The following C6orf163 variants were observed in gnomAD, a reference collection of about 807,000 sequenced individuals.
C6orf163 encodes the protein uncharacterized protein C6orf163.
C6orf163 carries 22 observed loss-of-function variants against 28.4 expected under a neutral mutation model. The observed-to-expected ratio is 0.78, with a 90% CI of 0.55 to 1.11. The LOEUF is 1.11. C6orf163 is among the 50% of genes least tolerant of loss of function. The pLI is 0.00. For missense variants in C6orf163, 342 were observed against 389.1 expected (o/e 0.88, Z 1.02); for synonymous variants, 110 against 123.6 (o/e 0.89, Z 0.73).
intron 4 of C6orf163, among the ~76,000 whole-genome samples, chr6:87,361,592 C>G (rs1341235099): frequency 6.6e-6 from 1 of 152,124 alleles, no homozygotes; most frequent in Non-Finnish European, 1.5e-5. Flanking sequence ...GAGATTGGTC[C>G]CTGGTCATCA....
rs1777630295 is a variant in C6orf163 at position 87,365,335 on chromosome 6, CAGAA to C, written c.939_942del (p.Lys314HisfsTer?). 2 of 1,550,398 alleles carry C rather than the reference CAGAA, an allele frequency of 1.3e-6. No individual in the cohort carries two copies. Among genetic ancestry groups the C allele is most frequent in the Admixed American group, 2.0e-5 (1 of 50,790 alleles). On this transcript the variant is annotated frameshift_variant, in exon 5 of 5. Coordinates refer to ENST00000388923, the MANE Select transcript of C6orf163 (RefSeq NM_001010868.3). LOFTEE classifies it low-confidence loss of function (END_TRUNC). Reference sequence around the variant, plus strand: ...CCAGGACATGCAGATTTTATTCTGCCAGAAAGAAAGAAAACACCTTCTAATCTTG... The same window carrying C: ...CCAGGACATGCAGATTTTATTCTGCCAGAAAGAAAACACCTTCTAATCTTG...
intron 1 of C6orf163, chr6:87,348,307 A>C: frequency 2.0e-6 from 2 of 985,552 alleles, no homozygotes; most frequent in Non-Finnish European, 2.4e-6. Context: ...CATTGACAGA[A>C]AAATAGTAAA....
intron 4 of C6orf163, chr6:87,359,037 G>C (rs1213605935): frequency 6.6e-6 from 1 of 152,250 alleles, no homozygotes; most frequent in Non-Finnish European, 1.5e-5. Flanking sequence ...ACCTTCTGTG[G>C]ATGTGGCACA....
chr6:87,353,889 T>C (rs557879283), intron 3 of C6orf163, among the ~76,000 whole-genome samples: 1 of 152,328 alleles, frequency 6.6e-6, no homozygotes, highest in African/African-American at 2.4e-5. Context: ...AGTCTCTCTG[T>C]AGCCCACGCA....
intron 2 of C6orf163, among the ~76,000 whole-genome samples, 169 bp from the exon 3 acceptor site, chr6:87,350,224 GT>G (rs1414823711): frequency 6.6e-6 from 1 of 152,212 alleles, no homozygotes; most frequent in Admixed American, 6.5e-5. Context: ...AAGGCAGACA[GT>G]TTGCTATGGG....
At position 87,356,397 on chromosome 6, in the gene C6orf163, A is replaced by G; in HGVS notation, c.448A>G (p.Ile150Val). 6.4e-7 allele frequency: 1 copy of G among 1,551,786 alleles called. No individual in the cohort carries two copies. Among genetic ancestry groups the G allele is most frequent in the Non-Finnish European group, 8.7e-7 (1 of 1,147,016 alleles). The change falls in exon 4 of 5, where the codon ATC becomes GTC. Residue 150 changes from isoleucine (I) to valine (V), a missense_variant. Ile to Val is a conservative substitution (Grantham distance 29). Coordinates refer to ENST00000388923, the MANE Select transcript of C6orf163 (RefSeq NM_001010868.3). ...LAAEQRMVHR[I>V]QRIMMECHRE... The stretch of plus-strand genomic sequence containing the variant: ...TGCAGAACAGCGCATGGTCCACAGA[A>G]TCCAAAGGATTATGATGGAATGCCA...
chr6:87,357,042 A>C (rs1562231122), intron 4 of C6orf163: 1 of 155,052 alleles, frequency 6.4e-6, no homozygotes, highest in Non-Finnish European at 1.4e-5. Context: ...CAAAAATTGC[A>C]AGTCCTGATG....
chr6:87,347,838 G>A, intron 1 of C6orf163: 3 of 985,472 alleles, frequency 3.0e-6, no homozygotes, highest in Non-Finnish European at 3.6e-6. Flanking sequence ...ATAGCTCTAA[G>A]AATCTATTAC....
rs1434062548 is a variant in C6orf163, at chr6:87,344,891, G to A, written c.-209G>A. Reference sequence around the variant, plus strand: ...CAAATCTGGTGCCCATACCTTCTATGGCAGGGGCTTTTAGCACCATTCTTT... The same window carrying A: ...CAAATCTGGTGCCCATACCTTCTATAGCAGGGGCTTTTAGCACCATTCTTT... On this transcript the variant is annotated 5_prime_UTR_variant, in exon 1 of 5. An upstream start codon of the reference 5' UTR is lost. Transcript: ENST00000388923. 2.5e-6 allele frequency: 1 copy of A among 396,026 alleles called. No homozygotes were observed. Among genetic ancestry groups the A allele is most frequent in the Non-Finnish European group, 4.5e-6 (1 of 224,122 alleles). The allele number at this position is 396,026 out of a possible 1,614,324, so 24.5% of individuals were successfully genotyped here.
intron 1 of C6orf163, chr6:87,347,178 A>G (rs373646): frequency 0.42 from 66,048 of 156,988 alleles, 14,439 homozygotes; most frequent in Non-Finnish European, 0.48. Flanking sequence ...CTCTATCACT[A>G]TAATTTTATC....
chr6:87,353,044 C>G (rs1777441662), intron 3 of C6orf163, among the ~76,000 whole-genome samples: 1 of 152,114 alleles, frequency 6.6e-6, no homozygotes, highest in Non-Finnish European at 1.5e-5. Context: ...CATTGACAAA[C>G]AGCAGGTTAC....
chr6:87,351,969 C>T (rs1466016085), intron 3 of C6orf163, among the ~76,000 whole-genome samples: 1 of 152,182 alleles, frequency 6.6e-6, no homozygotes, highest in African/African-American at 2.4e-5. Flanking sequence ...ATTCCTGTTT[C>T]AAGGTTCACA....
chr6:87,357,693 T>C (rs1028204549), intron 4 of C6orf163: 1 of 152,232 alleles, frequency 6.6e-6, no homozygotes, highest in Admixed American at 6.6e-5. Context: ...TCTTTTCTTT[T>C]CTCTCCTGCC....
intron 4 of C6orf163, 35 bp from the exon 5 acceptor site, chr6:87,364,926 C>T (rs1050074140): frequency 1.7e-4 from 253 of 1,447,340 alleles, no homozygotes; most frequent in Non-Finnish European, 2.1e-4. Flanking sequence ...AGTGGCCAAT[C>T]CATCTAAATT....
chr6:87,351,609 G>A (rs1177728897), intron 3 of C6orf163, among the ~76,000 whole-genome samples: 1 of 152,248 alleles, frequency 6.6e-6, no homozygotes, highest in East Asian at 1.9e-4. Context: ...AGTTCAAAAT[G>A]TGAAGAGCAT....
At chr6:87,363,778 G>A (rs1347462303) in intron 4 of C6orf163, among the ~76,000 whole-genome samples, 2 of 151,972 alleles carry the variant, frequency 1.3e-5, no homozygotes, top group African/African-American at 4.8e-5. Flanking sequence ...CCAAGTCTTT[G>A]CTATTGTGAA....
At chr6:87,350,651 G>A (rs1447134573) in intron 3 of C6orf163, 150 bp downstream of exon 3, 5 of 600,132 alleles carry the variant, frequency 8.3e-6, no homozygotes, top group Non-Finnish European at 1.2e-5. Context: ...TCTCAGAAGA[G>A]ATGCTGAGCT....
chr6:87,352,798 G>A (rs994218529), intron 3 of C6orf163, among the ~76,000 whole-genome samples: 1 of 152,090 alleles, frequency 6.6e-6, no homozygotes, highest in Non-Finnish European at 1.5e-5. Context: ...TGCCCATAAG[G>A]TACAGGCAAA....
intron 4 of C6orf163, among the ~76,000 whole-genome samples, chr6:87,360,908 C>T (rs1357049690): frequency 1.3e-5 from 2 of 152,122 alleles, no homozygotes; most frequent in Non-Finnish European, 2.9e-5. Flanking sequence ...GTCACACCCT[C>T]GACGCACTGC....
Sources: allele counts gnomAD v4.1 joint callset (sites outside exome capture counted in the v4.1 genomes callset), GRCh38; gene constraint gnomAD v4.1.1; transcripts MANE v1.5; gene names NCBI Gene and HGNC (gene_info 2026-07-23, HGNC 2026-07-21).